The following GRM7 variants were observed in gnomAD, a reference collection of about 807,000 sequenced individuals.
GRM7 encodes the protein glutamate metabotropic receptor 7.
A neutral mutation model predicts 84.5 loss-of-function variants in GRM7; 35 were observed. The ratio of observed to expected loss-of-function variants is 0.41; its 90% confidence interval spans 0.32 to 0.55. The LOEUF (loss-of-function observed/expected upper bound fraction) is 0.55. Among genes scored for constraint, GRM7 ranks in the 20% least tolerant of loss-of-function variants. GRM7 has a pLI of 0.19. For synonymous variants in GRM7, 487 were observed against 455.1 expected, an observed-to-expected ratio of 1.07 and a Z score of -0.89; for missense variants, 1,003 against 1,194.6, an observed-to-expected ratio of 0.84 and a Z score of 2.36.
intron 5 of GRM7, among the ~76,000 whole-genome samples, chr3:7,428,090 T>G (rs577152242): frequency 6.6e-6 from 1 of 152,298 alleles, no homozygotes; most frequent in Non-Finnish European, 1.5e-5. Flanking sequence ...GTCTGTAGGC[T>G]TCTGTGTTTT....
chr3:7,103,893 T>C (rs960519092), intron 1 of GRM7, among the ~76,000 whole-genome samples: 2 of 148,688 alleles, frequency 1.3e-5, no homozygotes, highest in African/African-American at 5.0e-5. Flanking sequence ...GAAGTGACCA[T>C]CATTGTATTT....
intron 7 of GRM7, among the ~76,000 whole-genome samples, chr3:7,482,373 G>T (rs1302602773): frequency 6.6e-6 from 1 of 152,068 alleles, no homozygotes; most frequent in Non-Finnish European, 1.5e-5. Flanking sequence ...CTGAAGAAAG[G>T]TACCTACCTC....
At chr3:7,244,035 G>A (rs1697663127) in intron 2 of GRM7, among the ~76,000 whole-genome samples, 1 of 152,154 alleles carries the variant, frequency 6.6e-6, no homozygotes, top group Non-Finnish European at 1.5e-5. Context: ...GAGTCAGTGA[G>A]TGAGTGGTGA....
At chr3:7,446,164 A>G (rs1697497440) in intron 5 of GRM7, among the ~76,000 whole-genome samples, 1 of 152,234 alleles carries the variant, frequency 6.6e-6, no homozygotes, top group Non-Finnish European at 1.5e-5. Context: ...AAAATTGTGT[A>G]ATGCAAAGTC....
intron 1 of GRM7, among the ~76,000 whole-genome samples, chr3:6,973,689 G>A (rs1286837920): frequency 6.6e-6 from 1 of 152,164 alleles, no homozygotes; most frequent in Non-Finnish European, 1.5e-5. Context: ...ATTAGACAGA[G>A]AGGCCAGCAG....
chr3:7,026,169 C>G (rs1439736308), intron 1 of GRM7, among the ~76,000 whole-genome samples: 1 of 152,168 alleles, frequency 6.6e-6, no homozygotes, highest in Non-Finnish European at 1.5e-5. Context: ...GGTTTTGGAA[C>G]CATGACTCAT....
At chr3:7,668,104 G>A (rs1699773512) in intron 8 of GRM7, among the ~76,000 whole-genome samples, 1 of 152,168 alleles carries the variant, frequency 6.6e-6, no homozygotes, top group African/African-American at 2.4e-5. Context: ...ATCAAAGATG[G>A]GTTAGAGAAA....
At chr3:7,734,897 A>G (rs1702454099) in intron 9 of GRM7, among the ~76,000 whole-genome samples, 1 of 152,232 alleles carries the variant, frequency 6.6e-6, no homozygotes, top group African/African-American at 2.4e-5. Flanking sequence ...TTTGTAAGAT[A>G]CAGGAAGTTT....
intron 9 of GRM7, among the ~76,000 whole-genome samples, chr3:7,714,227 A>C (rs1341048795): frequency 6.6e-6 from 1 of 152,176 alleles, no homozygotes; most frequent in Non-Finnish European, 1.5e-5. Context: ...ATATTTGCAC[A>C]AGGCCTTTTC....
intron 7 of GRM7, among the ~76,000 whole-genome samples, chr3:7,478,710 A>G (rs1699019476): frequency 6.8e-6 from 1 of 146,746 alleles, no homozygotes; most frequent in African/African-American, 2.7e-5. Flanking sequence ...GGAACACTGG[A>G]GAGGGATGAG....
At chr3:7,504,949 C>G (rs887873397) in intron 7 of GRM7, among the ~76,000 whole-genome samples, 3 of 152,132 alleles carry the variant, frequency 2.0e-5, no homozygotes, top group Non-Finnish European at 2.9e-5. Context: ...ATATGAGTGA[C>G]TCAAGGTATG....
At chr3:7,022,410 T>C (rs1438213744) in intron 1 of GRM7, among the ~76,000 whole-genome samples, 1 of 146,404 alleles carries the variant, frequency 6.8e-6, no homozygotes, top group East Asian at 2.0e-4. Context: ...TATCTCCATA[T>C]AGTGCCTATG....
At chr3:7,656,578 A>ACACAC (rs1289514654) in intron 8 of GRM7, among the ~76,000 whole-genome samples, 3 of 100,736 alleles carry the variant, frequency 3.0e-5, no homozygotes, top group South Asian at 7.3e-4. Flanking sequence ...CACACACACA[A>ACACAC]AGTGTGCTGT....
chr3:7,250,940 C>A (rs1351465326), intron 2 of GRM7, among the ~76,000 whole-genome samples: 5 of 151,942 alleles, frequency 3.3e-5, no homozygotes. Flanking sequence ...GGATAAGGTA[C>A]TTGATTATTA....
At chr3:7,456,338 G>A (rs1427619536) in intron 6 of GRM7, among the ~76,000 whole-genome samples, 1 of 151,934 alleles carries the variant, frequency 6.6e-6, no homozygotes, top group East Asian at 1.9e-4. Flanking sequence ...GCTATCCATA[G>A]GGCTTATGTT....
At chr3:6,907,247 A>G (rs1358917369) in intron 1 of GRM7, among the ~76,000 whole-genome samples, 1 of 152,162 alleles carries the variant, frequency 6.6e-6, no homozygotes, top group Non-Finnish European at 1.5e-5. Context: ...AAAAATAAAA[A>G]TACAAAGTAA....
At chr3:7,286,078 T>C (rs1020859622) in intron 2 of GRM7, among the ~76,000 whole-genome samples, 1 of 152,210 alleles carries the variant, frequency 6.6e-6, no homozygotes. Context: ...CTAATTAAGA[T>C]ATTTGAATGA....
intron 8 of GRM7, among the ~76,000 whole-genome samples, chr3:7,620,039 G>A (rs760598412): frequency 2.0e-5 from 3 of 152,030 alleles, no homozygotes; most frequent in Non-Finnish European, 4.4e-5. Context: ...AAGTCTAACT[G>A]TCCATGTGCT....
intron 5 of GRM7, among the ~76,000 whole-genome samples, chr3:7,425,476 G>A (rs1696570444): frequency 6.6e-6 from 1 of 151,992 alleles, no homozygotes; most frequent in African/African-American, 2.4e-5. Flanking sequence ...ATTTAGGGTA[G>A]GCCAAACACA....
Sources: allele counts gnomAD v4.1 joint callset (sites outside exome capture counted in the v4.1 genomes callset), GRCh38; gene constraint gnomAD v4.1.1; transcripts MANE v1.5; gene names NCBI Gene and HGNC (gene_info 2026-07-23, HGNC 2026-07-21).